TRAT1: variants seen among roughly 807,000 people sequenced by gnomAD.
TRAT1 encodes the protein T cell receptor associated transmembrane adaptor 1, also known as T-cell receptor-associated transmembrane adapter 1.
In TRAT1, 20 loss-of-function variants were observed where a neutral mutation model predicts 20.0. That is an observed-to-expected ratio of 1.00 (90% confidence interval 0.70 to 1.45). TRAT1 has a LOEUF of 1.45. Ranked by LOEUF, TRAT1 falls within the 40% of genes most tolerant of loss-of-function variation. TRAT1 has a pLI of 0.00. For synonymous variants in TRAT1, 77 were observed against 74.2 expected (o/e 1.04, Z -0.20); for missense variants, 237 against 224.1 (o/e 1.06, Z -0.37).
intron 2 of TRAT1, among the ~76,000 whole-genome samples, 197 bp downstream of exon 2, chr3:108,830,977 T>C (rs1404528662): frequency 6.6e-6 from 1 of 152,204 alleles, no homozygotes; most frequent in African/African-American, 2.4e-5. Context: ...AAATGTGAAA[T>C]AGTTATCCAA....
chr3:108,849,331 T>C (rs1945975551), intron 5 of TRAT1, 77 bp downstream of exon 5: 2 of 1,230,120 alleles, frequency 1.6e-6, no homozygotes, highest in Non-Finnish European at 1.2e-6. Context: ...ACATCTGAAA[T>C]AGCCTGTTAG....
At chr3:108,836,976 T>C (rs1945847354) in intron 2 of TRAT1, among the ~76,000 whole-genome samples, 1 of 152,250 alleles carries the variant, frequency 6.6e-6, no homozygotes, top group Non-Finnish European at 1.5e-5. Context: ...TTTCTTCACA[T>C]AGAAGGAAAT....
At chr3:108,824,503 T>C (rs1156453033) in intron 1 of TRAT1, among the ~76,000 whole-genome samples, 1 of 152,226 alleles carries the variant, frequency 6.6e-6, no homozygotes, top group Non-Finnish European at 1.5e-5. Flanking sequence ...AAACTGTTTA[T>C]AGCTATCATT....
At chr3:108,850,362 T>C (rs1470384805) in intron 5 of TRAT1, among the ~76,000 whole-genome samples, 1 of 151,422 alleles carries the variant, frequency 6.6e-6, no homozygotes, top group Non-Finnish European at 1.5e-5. Flanking sequence ...TGGAGTGCAA[T>C]GGCACAATCT....
intron 3 of TRAT1, among the ~76,000 whole-genome samples, chr3:108,845,749 A>G (rs1200803907): frequency 6.6e-6 from 1 of 151,366 alleles, no homozygotes; most frequent in South Asian, 2.1e-4. Context: ...TCTCAGTGAC[A>G]TGTAATCTCA....
At chr3:108,823,115 T>C (rs1945707794) in intron 1 of TRAT1, among the ~76,000 whole-genome samples, 181 bp downstream of exon 1, 1 of 152,216 alleles carries the variant, frequency 6.6e-6, no homozygotes, top group South Asian at 2.1e-4. Flanking sequence ...ACATTTTTCT[T>C]TTGAAAGAAA....
intron 2 of TRAT1, among the ~76,000 whole-genome samples, chr3:108,832,588 T>C (rs543348457): frequency 1.1e-4 from 16 of 152,228 alleles, no homozygotes; most frequent in Non-Finnish European, 2.2e-4. Flanking sequence ...ATAGCCAGAA[T>C]TACAAAAAAA....
In TRAT1 at chr3:108,853,778, C is replaced by T. The variant is rs774988510; in HGVS notation, c.462C>T (p.Asp154=). Residue 154 remains aspartate, a synonymous_variant, in exon 6 of 6, where the codon GAC becomes GAT. Coordinates refer to ENST00000295756, the MANE Select transcript of TRAT1 (RefSeq NM_016388.4). The part of the protein sequence containing the change: ...DASVSKTTLV[D]SFSPESQAVE... ...GCGTTTCTAAGACCACCTTAGTAGA[C>T]AGTTTCTCCCCAGAAAGCCAGGCAG... is the stretch of plus-strand genomic sequence containing the variant. The T allele has an allele frequency of 1.9e-5, 31 of 1,614,020 alleles. No individual in the cohort carries two copies. Among genetic ancestry groups the T allele is most frequent in the Non-Finnish European group, 2.5e-5 (30 of 1,179,986 alleles).
chr3:108,837,350 T>A (rs1183566541), intron 2 of TRAT1, among the ~76,000 whole-genome samples: 1 of 152,230 alleles, frequency 6.6e-6, no homozygotes, highest in Non-Finnish European at 1.5e-5. Context: ...TCTTCCCTCA[T>A]TTAGTCCTTC....
At chr3:108,836,096 T>C (rs936536998) in intron 2 of TRAT1, among the ~76,000 whole-genome samples, 1 of 151,908 alleles carries the variant, frequency 6.6e-6, no homozygotes, top group African/African-American at 2.4e-5. Context: ...ATTTTTTGTA[T>C]TTTAGTAGAG....
intron 4 of TRAT1, 191 bp downstream of exon 4, chr3:108,847,320 C>T: frequency 2.2e-6 from 1 of 454,674 alleles, no homozygotes; most frequent in Admixed American, 4.4e-5. Context: ...TTACAATAGC[C>T]ACTCTAAATC....
At chr3:108,844,578 C>T (rs1413739430) in intron 3 of TRAT1, among the ~76,000 whole-genome samples, 1 of 151,666 alleles carries the variant, frequency 6.6e-6, no homozygotes, top group Non-Finnish European at 1.5e-5. Flanking sequence ...GGCACAGTGG[C>T]TCACGCCTAT....
intron 3 of TRAT1, among the ~76,000 whole-genome samples, chr3:108,843,462 G>A (rs564830663): frequency 8.5e-5 from 13 of 152,112 alleles, no homozygotes; most frequent in South Asian, 2.1e-4. Flanking sequence ...CCCAGGAGGC[G>A]GAGGTTGCAG....
At chr3:108,837,069 T>A (rs1348923443) in intron 2 of TRAT1, among the ~76,000 whole-genome samples, 3 of 152,224 alleles carry the variant, frequency 2.0e-5, no homozygotes, top group South Asian at 2.1e-4. Flanking sequence ...ATATGCTTCT[T>A]GACATTATTT....
intron 2 of TRAT1, among the ~76,000 whole-genome samples, chr3:108,834,646 A>G (rs1315975633): frequency 6.6e-6 from 1 of 152,218 alleles, no homozygotes; most frequent in African/African-American, 2.4e-5. Flanking sequence ...CTGGCCTCAT[A>G]TAACTTTTTA....
intron 1 of TRAT1, among the ~76,000 whole-genome samples, chr3:108,827,326 G>A (rs1183418312): frequency 3.3e-5 from 5 of 151,912 alleles, no homozygotes; most frequent in Non-Finnish European, 7.4e-5. Context: ...GGAATATGGA[G>A]ATATTTATAC....
chr3:108,833,810 A>ACACACT (rs1449135705), intron 2 of TRAT1, among the ~76,000 whole-genome samples: 117 of 151,758 alleles, frequency 7.7e-4, no homozygotes, highest in Admixed American at 4.9e-3. Context: ...ACACACACAC[A>ACACACT]CACACACACA....
intron 4 of TRAT1, 71 bp downstream of exon 4, chr3:108,847,200 G>T: frequency 1.1e-6 from 1 of 918,480 alleles, no homozygotes. Context: ...TTTAAGTGGC[G>T]CTTTAAAAAA....
At chr3:108,849,560 G>C (rs1449151765) in intron 5 of TRAT1, among the ~76,000 whole-genome samples, 1 of 151,952 alleles carries the variant, frequency 6.6e-6, no homozygotes, top group Non-Finnish European at 1.5e-5. Flanking sequence ...TAATATAGAA[G>C]GTGACACACG....
Sources: allele counts gnomAD v4.1 joint callset (sites outside exome capture counted in the v4.1 genomes callset), GRCh38; gene constraint gnomAD v4.1.1; transcripts MANE v1.5; gene names NCBI Gene and HGNC (gene_info 2026-07-23, HGNC 2026-07-21).